ARHGAP26: variants seen among roughly 807,000 people sequenced by gnomAD.
ARHGAP26 encodes rho GTPase-activating protein 26.
In ARHGAP26, 38 loss-of-function variants were observed where a neutral mutation model predicts 104.8. That is an observed-to-expected ratio of 0.36 (90% CI 0.28 to 0.48). The LOEUF (loss-of-function observed/expected upper bound fraction) is 0.48. ARHGAP26 is among the 20% of genes least tolerant of loss of function. The pLI, the probability that ARHGAP26 is intolerant of heterozygous loss-of-function variation, is 0.99. For synonymous variants in ARHGAP26, 341 were observed against 340.0 expected, an observed-to-expected ratio of 1.00 and a Z score of -0.03; for missense variants, 704 against 947.9, an observed-to-expected ratio of 0.74 and a Z score of 3.38.
In ARHGAP26 at chr5:143,223,993, G is replaced by C. The variant is rs1241828390; in HGVS notation, c.*1547G>C. The stretch of plus-strand genomic sequence containing the variant: ...CGATGGACCGTCAAGCTCCCCAGGA[G>C]CCCCTTGGATGGCAGCGTTGCTTCA... On this transcript the variant is annotated 3_prime_UTR_variant, in exon 23 of 23. Transcript: ENST00000645722. 1 of 231,944 alleles carries C rather than the reference G, an allele frequency of 4.3e-6. No individual in the cohort carries two copies. The highest frequency in any genetic ancestry group is 8.5e-6 in the Non-Finnish European group (1 of 117,026). The allele number at this position is 231,944 out of a possible 1,614,324, so 14.4% of individuals were successfully genotyped here.
chr5:143,067,494 A>C (rs1787669534), intron 17 of ARHGAP26, among the ~76,000 whole-genome samples: 1 of 152,154 alleles, frequency 6.6e-6, no homozygotes, highest in Middle Eastern at 3.2e-3. Flanking sequence ...CAGTCCAAGA[A>C]AGGGCTTGAA....
intron 17 of ARHGAP26, among the ~76,000 whole-genome samples, chr5:143,101,820 G>A (rs1793278662): frequency 6.6e-6 from 1 of 151,478 alleles, no homozygotes; most frequent in Non-Finnish European, 1.5e-5. Flanking sequence ...AGGGAGAGAA[G>A]CTGGAGAAGG....
intron 19 of ARHGAP26, among the ~76,000 whole-genome samples, chr5:143,138,753 G>A (rs1599185925): frequency 6.6e-6 from 1 of 152,106 alleles, no homozygotes; most frequent in African/African-American, 2.4e-5. Context: ...CTTACCAGGT[G>A]GTTTCTTGTG....
chr5:142,992,723 G>T (rs1393066256), intron 11 of ARHGAP26, among the ~76,000 whole-genome samples: 1 of 152,130 alleles, frequency 6.6e-6, no homozygotes, highest in Non-Finnish European at 1.5e-5. Flanking sequence ...ACCACGCCTG[G>T]CCAGTAGTGA....
chr5:142,902,636 G>A (rs1207413876), intron 7 of ARHGAP26, among the ~76,000 whole-genome samples: 2 of 152,198 alleles, frequency 1.3e-5, no homozygotes, highest in South Asian at 4.1e-4. Flanking sequence ...CTGTGGGATT[G>A]GACCATGTTA....
At chr5:143,013,842 GA>G (rs1779210702) in intron 11 of ARHGAP26, among the ~76,000 whole-genome samples, 1 of 152,070 alleles carries the variant, frequency 6.6e-6, no homozygotes. Context: ...TAAAAAGAGG[GA>G]ATTTTTTTTT....
intron 17 of ARHGAP26, among the ~76,000 whole-genome samples, chr5:143,099,594 G>A (rs185065382): frequency 7.2e-5 from 11 of 152,242 alleles, no homozygotes; most frequent in African/African-American, 2.4e-4. Context: ...ATTCATTTTC[G>A]CAGTGTCACT....
chr5:143,213,609 G>A (rs1425888395), intron 21 of ARHGAP26, among the ~76,000 whole-genome samples: 1 of 152,182 alleles, frequency 6.6e-6, no homozygotes, highest in African/African-American at 2.4e-5. Context: ...TGTTGGGAGT[G>A]TGTTCCCCAG....
At chr5:142,807,568 T>C (rs936848745) in intron 1 of ARHGAP26, among the ~76,000 whole-genome samples, 2 of 152,202 alleles carry the variant, frequency 1.3e-5, no homozygotes, top group African/African-American at 4.8e-5. Flanking sequence ...GCACACTTTA[T>C]TGCTGCCCCT....
intron 10 of ARHGAP26, among the ~76,000 whole-genome samples, chr5:142,915,200 G>T (rs1326986521): frequency 6.6e-6 from 1 of 151,952 alleles, no homozygotes; most frequent in African/African-American, 2.4e-5. Flanking sequence ...CAACAGCTGT[G>T]CATGTCCCAA....
intron 11 of ARHGAP26, among the ~76,000 whole-genome samples, chr5:142,959,853 T>C (rs1472807092): frequency 6.6e-6 from 1 of 152,246 alleles, no homozygotes; most frequent in Non-Finnish European, 1.5e-5. Flanking sequence ...ATTTTTAGAA[T>C]TCTGCCAGCC....
intron 11 of ARHGAP26, among the ~76,000 whole-genome samples, chr5:143,004,633 C>T (rs534509796): frequency 6.6e-6 from 1 of 152,300 alleles, no homozygotes; most frequent in Non-Finnish European, 1.5e-5. Context: ...CTGGGGACTC[C>T]ACCCTGACCT....
chr5:143,090,087 C>CT (rs1420927288), intron 17 of ARHGAP26, among the ~76,000 whole-genome samples: 6 of 152,248 alleles, frequency 3.9e-5, no homozygotes, highest in Non-Finnish European at 7.3e-5. Context: ...CCAAGGAACA[C>CT]TAAGTTTCCT....
Position 143,216,412 on chromosome 5 carries a change from GC to G in ARHGAP26, c.2191+2327del, listed in dbSNP as rs11300501. 1,145 of 418,020 alleles carry G rather than the reference GC, an allele frequency of 2.7e-3. 9 individuals carry two copies. The highest frequency in any genetic ancestry group is 0.021 in the African/African-American group (1,046 of 49,102). 25.9% of individuals were successfully genotyped at this position (418,020 alleles called of 1,614,324 possible). A position where few individuals can be genotyped will look rare whatever the true frequency, so the allele number is the denominator to read the frequency against. On this transcript the variant is annotated intron_variant, in intron 22 of 22. Coordinates refer to ENST00000645722, the MANE Select transcript of ARHGAP26 (RefSeq NM_001135608.3). ...CATTGCTCTGAGAATTACTTACAAG[GC>G]CCTCCAGGGCCCAGTTCCTGCCCCT...
chr5:143,100,779 A>G (rs1350286132), intron 17 of ARHGAP26, among the ~76,000 whole-genome samples: 7 of 152,174 alleles, frequency 4.6e-5, no homozygotes, highest in Admixed American at 4.6e-4. Context: ...GAATGGGTAC[A>G]TGTATCTCCA....
intron 17 of ARHGAP26, among the ~76,000 whole-genome samples, chr5:143,095,880 T>C (rs1207964469): frequency 1.3e-5 from 2 of 152,222 alleles, no homozygotes; most frequent in African/African-American, 4.8e-5. Context: ...CCTCATATCT[T>C]CTTCTTCACT....
intron 8 of ARHGAP26, 42 bp from the exon 9 acceptor site, chr5:142,907,662 A>G: frequency 7.2e-7 from 1 of 1,396,632 alleles, no homozygotes; most frequent in Middle Eastern, 1.8e-4. Context: ...TATAGCATAC[A>G]GTGGAATGTA....
At chr5:143,090,975 G>A (rs572754847) in intron 17 of ARHGAP26, among the ~76,000 whole-genome samples, 20 of 152,128 alleles carry the variant, frequency 1.3e-4, no homozygotes, top group South Asian at 8.3e-4. Flanking sequence ...TCCCCACAGG[G>A]TATAACAAGA....
intron 6 of ARHGAP26, among the ~76,000 whole-genome samples, chr5:142,895,767 T>C (rs1379309113): frequency 6.6e-6 from 1 of 152,086 alleles, no homozygotes; most frequent in Non-Finnish European, 1.5e-5. Flanking sequence ...GGAAGATCAC[T>C]TGAGACCAAG....
Sources: gnomAD v4.1 joint callset for allele counts (sites outside exome capture counted in the v4.1 genomes callset) on GRCh38, gnomAD v4.1.1 for gene constraint, MANE v1.5 for transcripts, NCBI Gene and HGNC (gene_info 2026-07-23, HGNC 2026-07-21) for gene names.